Variants in FGGY observed in about 807,000 individuals in gnomAD.
FGGY encodes the protein FGGY carbohydrate kinase domain containing.
Under a neutral mutation model 71.3 loss-of-function variants are expected in FGGY, and 72 were observed. The ratio of observed to expected loss-of-function variants is 1.01; its 90% confidence interval spans 0.84 to 1.23. The LOEUF is 1.23. Ranked by LOEUF, FGGY falls within the 50% of genes most tolerant of loss-of-function variation. FGGY has a pLI of 0.00. For synonymous variants in FGGY, 251 were observed against 250.3 expected (o/e 1.00, Z -0.02); for missense variants, 668 against 682.3 (o/e 0.98, Z 0.23).
At chr1:59,340,142 A>G in intron 3 of FGGY, 73 bp downstream of exon 3, 1 of 1,000,116 alleles carries the variant, frequency 1.0e-6, no homozygotes, top group Non-Finnish European at 1.5e-6. Context: ...CAGGTGGAAC[A>G]GGAGGGCAGG....
At chr1:59,499,295 G>GTTTCTTTTTTTTT (rs1558134095) in intron 6 of FGGY, among the ~76,000 whole-genome samples, 1 of 70,088 alleles carries the variant, frequency 1.4e-5, no homozygotes, top group Non-Finnish European at 2.8e-5. Context: ...TGTATACTAT[G>GTTTCTTTTTTTTT]TTTGTTTTTT....
chr1:59,631,819 A>G (rs1310592706), intron 10 of FGGY, among the ~76,000 whole-genome samples: 1 of 152,260 alleles, frequency 6.6e-6, no homozygotes, highest in East Asian at 1.9e-4. Flanking sequence ...GTGCCCGTAC[A>G]TGTAACTGGT....
At chr1:59,523,721 C>G (rs148458476) in intron 7 of FGGY, among the ~76,000 whole-genome samples, 8 of 152,316 alleles carry the variant, frequency 5.3e-5, no homozygotes, top group African/African-American at 1.9e-4. Flanking sequence ...TGTACTATGA[C>G]TCTGATGTAA....
chr1:59,512,658 C>T (rs954693193), intron 7 of FGGY, among the ~76,000 whole-genome samples: 26 of 152,130 alleles, frequency 1.7e-4, no homozygotes, highest in African/African-American at 6.3e-4. Flanking sequence ...TTTCTTTATA[C>T]ATGGCAATAG....
chr1:59,457,170 A>G (rs898663555), intron 6 of FGGY, 94 bp downstream of exon 6: 1 of 867,916 alleles, frequency 1.2e-6, no homozygotes, highest in South Asian at 1.5e-5. Flanking sequence ...TTGTTTTTGT[A>G]TGCATGAAAA....
chr1:59,378,751 C>T lies in FGGY; in HGVS notation c.468C>T (p.Asn156=). The T allele has an allele frequency of 6.2e-7, 1 of 1,612,792 alleles. No individual in the cohort carries two copies. The highest frequency in any genetic ancestry group is 8.5e-7 in the Non-Finnish European group (1 of 1,179,206). Residue 156 remains asparagine, a splice_region_variant and synonymous_variant, in exon 5 of 16, where the codon AAC becomes AAT. Transcript: ENST00000303721. ...QAPKLLWLKE[N]LREICWDKAG... ...CTAATATATATTTAATTTGGCAGAA[C>T]TTGAGAGAGATTTGCTGGGATAAGG...
chr1:59,754,388 T>G (rs79233693), intron 14 of FGGY, among the ~76,000 whole-genome samples: 2,359 of 152,270 alleles, frequency 0.015, 53 homozygotes, highest in African/African-American at 0.047. Flanking sequence ...TCCTTTTTTT[T>G]TTGTTGTTTG....
chr1:59,397,623 T>C (rs1228998474), intron 5 of FGGY, among the ~76,000 whole-genome samples: 1 of 152,100 alleles, frequency 6.6e-6, no homozygotes, highest in Non-Finnish European at 1.5e-5. Flanking sequence ...CAGTGAAGTG[T>C]TTGTTGTGAC....
chr1:59,366,105 A>G (rs1357977763), intron 4 of FGGY, among the ~76,000 whole-genome samples: 2 of 152,158 alleles, frequency 1.3e-5, no homozygotes, highest in Admixed American at 6.5e-5. Flanking sequence ...AAATGATAGC[A>G]TATTTTATGG....
chr1:59,498,605 T>C (rs1025896890), intron 6 of FGGY, among the ~76,000 whole-genome samples: 1 of 152,124 alleles, frequency 6.6e-6, no homozygotes, highest in African/African-American at 2.4e-5. Flanking sequence ...AGTTTCTGCT[T>C]CAGTAGGTCT....
intron 4 of FGGY, among the ~76,000 whole-genome samples, chr1:59,348,824 T>C (rs2052655524): frequency 6.6e-6 from 1 of 152,190 alleles, no homozygotes. Context: ...CTGTGGTTGC[T>C]AAGAGTTTGA....
intron 1 of FGGY, among the ~76,000 whole-genome samples, chr1:59,321,100 A>G (rs1323869817): frequency 6.6e-6 from 1 of 152,224 alleles, no homozygotes; most frequent in East Asian, 1.9e-4. Flanking sequence ...GGTACTTAGT[A>G]GGTAATTGTT....
intron 13 of FGGY, among the ~76,000 whole-genome samples, chr1:59,669,233 G>A (rs931284147): frequency 2.0e-5 from 3 of 152,092 alleles, no homozygotes; most frequent in African/African-American, 7.2e-5. Flanking sequence ...GTATGGGGCA[G>A]GACCAATATT....
At chr1:59,641,168 G>T in intron 11 of FGGY, 1 of 697,020 alleles carries the variant, frequency 1.4e-6, no homozygotes, top group Non-Finnish European at 2.5e-6. Flanking sequence ...AGAGAGCATG[G>T]CATGTGAATG....
chr1:59,662,563 C>T (rs946326832), intron 12 of FGGY, among the ~76,000 whole-genome samples: 1 of 152,118 alleles, frequency 6.6e-6, no homozygotes, highest in African/African-American at 2.4e-5. Flanking sequence ...TGCTACATAA[C>T]GTTTTGGTTA....
At chr1:59,306,836 A>G (rs1263212457) in intron 1 of FGGY, among the ~76,000 whole-genome samples, 10 of 152,208 alleles carry the variant, frequency 6.6e-5, no homozygotes, top group Non-Finnish European at 1.5e-5. Flanking sequence ...TTCAGGCTAA[A>G]TATATTACCA....
At chr1:59,378,981 A>G in intron 5 of FGGY, 144 bp downstream of exon 5, 1 of 640,602 alleles carries the variant, frequency 1.6e-6, no homozygotes, top group Non-Finnish European at 2.7e-6. Flanking sequence ...TCTTGAATCT[A>G]TCTTCGACCT....
intron 5 of FGGY, among the ~76,000 whole-genome samples, chr1:59,413,157 T>G (rs1374856645): frequency 6.6e-6 from 1 of 152,202 alleles, no homozygotes; most frequent in Non-Finnish European, 1.5e-5. Context: ...CCAGGGACAT[T>G]TTAAGTCCTT....
chr1:59,469,754 T>A (rs536223525), intron 6 of FGGY, among the ~76,000 whole-genome samples: 2 of 152,126 alleles, frequency 1.3e-5, no homozygotes, highest in African/African-American at 4.8e-5. Context: ...CCCTTTGTCC[T>A]CCACCCTCCC....
Sources: allele counts gnomAD v4.1 joint callset (sites outside exome capture counted in the v4.1 genomes callset), GRCh38; gene constraint gnomAD v4.1.1; transcripts MANE v1.5; gene names NCBI Gene and HGNC (gene_info 2026-07-23, HGNC 2026-07-21).